SGCZ: variants seen among roughly 807,000 people sequenced by gnomAD.
SGCZ encodes sarcoglycan zeta.
SGCZ carries 40 observed loss-of-function variants against 41.3 expected under a neutral mutation model. That is an observed-to-expected ratio of 0.97 (90% CI 0.75 to 1.26). The LOEUF (loss-of-function observed/expected upper bound fraction) is 1.26. SGCZ is among the 50% of genes most tolerant of loss of function. The pLI, the probability that SGCZ is intolerant of heterozygous loss-of-function variation, is 0.00. For missense variants in SGCZ, 552 were observed against 369.8 expected (o/e 1.49, Z -4.04); for synonymous variants, 206 against 137.5 (o/e 1.50, Z -3.49).
chr8:14,976,003 T>TATATATATATACATAC (rs762033555), intron 1 of SGCZ, among the ~76,000 whole-genome samples: 3 of 108,036 alleles, frequency 2.8e-5, no homozygotes, highest in Non-Finnish European at 4.4e-5. Flanking sequence ...TATATATACA[T>TATATATATATACATAC]ATATATATAT....
chr8:14,970,475 A>G (rs1393165730), intron 1 of SGCZ, among the ~76,000 whole-genome samples: 1 of 152,138 alleles, frequency 6.6e-6, no homozygotes, highest in Non-Finnish European at 1.5e-5. Flanking sequence ...TAGGTCTATG[A>G]TACATGCTGA....
intron 2 of SGCZ, among the ~76,000 whole-genome samples, chr8:14,451,854 C>T (rs1800603697): frequency 1.3e-5 from 2 of 152,164 alleles, no homozygotes. Flanking sequence ...AGACATGGAA[C>T]AACAGAAACT....
intron 2 of SGCZ, among the ~76,000 whole-genome samples, chr8:14,429,009 G>A (rs1396785611): frequency 6.6e-6 from 1 of 152,092 alleles, no homozygotes; most frequent in East Asian, 1.9e-4. Context: ...TAAAACAGCT[G>A]ATTTATTTCA....
chr8:14,877,440 T>C (rs117985497), intron 1 of SGCZ, among the ~76,000 whole-genome samples: 1,930 of 152,318 alleles, frequency 0.013, 21 homozygotes, highest in Non-Finnish European at 0.021. Context: ...ATTTATTTTA[T>C]TGAAAATCCA....
rs536691244 is a variant in SGCZ, at chr8:14,312,506, C to G, written c.336+11597G>C. 3.3e-5 allele frequency among the ~76,000 whole-genome samples: 5 copies of G among 152,198 alleles called. No homozygotes were observed. The South Asian group carries it at 1.0e-3, about 32-fold the overall frequency. ...ATACTGTTGGTGCTTGTAATCCTAG[C>G]TACTTGGAAAGCTGAGTCAGGAGGG... On this transcript the variant is annotated intron_variant, in intron 3 of 7. Transcript: ENST00000382080.
chr8:14,834,474 T>G (rs1802632064), intron 1 of SGCZ, among the ~76,000 whole-genome samples: 2 of 152,148 alleles, frequency 1.3e-5, no homozygotes, highest in African/African-American at 2.4e-5. Context: ...CTCCTTAACA[T>G]AGTTGCTCAG....
At chr8:14,459,422 AAT>A (rs942611260) in intron 2 of SGCZ, among the ~76,000 whole-genome samples, 47 of 151,380 alleles carry the variant, frequency 3.1e-4, no homozygotes, top group African/African-American at 1.1e-3. Context: ...TATAATAAAA[AAT>A]AAAATAAAAA....
chr8:14,261,797 T>C (rs978971801), intron 3 of SGCZ, among the ~76,000 whole-genome samples: 2 of 152,150 alleles, frequency 1.3e-5, no homozygotes, highest in African/African-American at 4.8e-5. Flanking sequence ...CATTAGGGTA[T>C]GGACTAACTC....
chr8:14,133,788 G>A (rs753613836), intron 5 of SGCZ, among the ~76,000 whole-genome samples: 1 of 151,900 alleles, frequency 6.6e-6, no homozygotes, highest in African/African-American at 2.4e-5. Context: ...TGAAAGCTTG[G>A]AGCTGCTGCT....
intron 2 of SGCZ, among the ~76,000 whole-genome samples, chr8:14,481,464 G>C (rs1801532913): frequency 6.6e-6 from 1 of 152,130 alleles, no homozygotes; most frequent in Non-Finnish European, 1.5e-5. Context: ...TTTTGTGACA[G>C]TAATAGTAAA....
At chr8:14,971,581 T>C (rs533248238) in intron 1 of SGCZ, among the ~76,000 whole-genome samples, 2 of 151,832 alleles carry the variant, frequency 1.3e-5, no homozygotes, top group East Asian at 3.9e-4. Flanking sequence ...TTGAAAGTGT[T>C]AAACCAATCT....
At chr8:14,773,096 C>A (rs536685091) in intron 1 of SGCZ, among the ~76,000 whole-genome samples, 1 of 152,228 alleles carries the variant, frequency 6.6e-6, no homozygotes, top group Non-Finnish European at 1.5e-5. Context: ...CCTGTTGTTT[C>A]CTGACTTTTT....
chr8:14,530,539 A>G (rs1803094798), intron 2 of SGCZ, among the ~76,000 whole-genome samples: 1 of 152,126 alleles, frequency 6.6e-6, no homozygotes, highest in African/African-American at 2.4e-5. Flanking sequence ...CACATACAGG[A>G]GTGCTCTTGT....
intron 1 of SGCZ, among the ~76,000 whole-genome samples, chr8:14,930,031 G>A (rs62493340): frequency 0.13 from 19,570 of 151,950 alleles, 1,536 homozygotes; most frequent in South Asian, 0.18. Flanking sequence ...AATTTGTTTT[G>A]GAGTCTTAGC....
chr8:14,863,479 T>A (rs146795170), intron 1 of SGCZ, among the ~76,000 whole-genome samples: 73 of 152,108 alleles, frequency 4.8e-4, no homozygotes, highest in South Asian at 1.5e-3. Flanking sequence ...TACTCACCAC[T>A]ATGATCAGCT....
chr8:15,005,813 T>C (rs956064996), intron 1 of SGCZ, among the ~76,000 whole-genome samples: 6 of 152,306 alleles, frequency 3.9e-5, no homozygotes, highest in African/African-American at 1.2e-4. Flanking sequence ...TCTCCTAAAA[T>C]AAAATAGTTC....
chr8:14,131,687 A>C (rs920572630), intron 5 of SGCZ, among the ~76,000 whole-genome samples: 2 of 152,158 alleles, frequency 1.3e-5, no homozygotes. Context: ...CAAATTTGTA[A>C]TGTTTTAGGC....
intron 1 of SGCZ, among the ~76,000 whole-genome samples, chr8:15,000,977 A>ACCAG (rs1802397357): frequency 6.6e-6 from 1 of 152,202 alleles, no homozygotes; most frequent in African/African-American, 2.4e-5. Context: ...TCAAGACAAC[A>ACCAG]TAGCCACTTC....
intron 1 of SGCZ, among the ~76,000 whole-genome samples, chr8:15,147,903 A>T (rs1299908876): frequency 1.3e-5 from 2 of 152,192 alleles, no homozygotes; most frequent in African/African-American, 4.8e-5. Flanking sequence ...TAAAAGGTAC[A>T]TTTTTGCTTA....
Sources: allele counts gnomAD v4.1 joint callset (sites outside exome capture counted in the v4.1 genomes callset), GRCh38; gene constraint gnomAD v4.1.1; transcripts MANE v1.5; gene names NCBI Gene and HGNC (gene_info 2026-07-23, HGNC 2026-07-21).